KRT79: variants seen among roughly 807,000 people sequenced by gnomAD.
The protein encoded by KRT79 is keratin 79, also known as keratin, type II cytoskeletal 79.
In KRT79, 51 loss-of-function variants were observed where a neutral mutation model predicts 49.0. That is an observed-to-expected ratio of 1.04 (90% CI 0.83 to 1.31). The LOEUF is 1.31. Among genes scored for constraint, KRT79 ranks in the 40% most tolerant of loss-of-function variants. The pLI, the probability that KRT79 is intolerant of heterozygous loss-of-function variation, is 0.00. For missense variants in KRT79, 728 were observed against 688.0 expected (o/e 1.06, Z -0.65); for synonymous variants, 312 against 286.6 (o/e 1.09, Z -0.90).
chr12:52,822,241 G>A (rs761254193), intron 8 of KRT79, 104 bp downstream of exon 8: 11 of 1,348,216 alleles, frequency 8.2e-6, no homozygotes, highest in East Asian at 7.4e-5. Context: ...CCAGGGGCTC[G>A]AATGGAGGAG....
At chr12:52,824,664 C>T (rs1466170609) in intron 4 of KRT79, among the ~76,000 whole-genome samples, 2 of 152,232 alleles carry the variant, frequency 1.3e-5, no homozygotes, top group East Asian at 1.9e-4. Flanking sequence ...TGTGCTAGCA[C>T]ATTCACTAAC....
chr12:52,823,876 T>G lies in KRT79; in HGVS notation c.1146+11A>C. 3.1e-6 allele frequency: 5 copies of G among 1,611,504 alleles called. No homozygotes were observed. Among genetic ancestry groups the G allele is most frequent in the Non-Finnish European group, 4.2e-6 (5 of 1,179,278 alleles). On this transcript the variant is annotated intron_variant, in intron 6 of 8. Transcript: ENST00000330553. Reference sequence around the variant, plus strand: ...CTAGGCCAGACCCCCAAGCCCCCAGTAGAGTCCCACCTGCTTCTTGGCTGC... The same window carrying G: ...CTAGGCCAGACCCCCAAGCCCCCAGGAGAGTCCCACCTGCTTCTTGGCTGC...
chr12:52,831,459 C>A lies in KRT79; in HGVS notation c.645G>T (p.Arg215Ser). 1 of 1,614,216 alleles carries A rather than the reference C, an allele frequency of 6.2e-7. No homozygotes were observed. Among genetic ancestry groups the A allele is most frequent in the Non-Finnish European group, 8.5e-7 (1 of 1,180,034 alleles). Residue 215 changes from arginine to serine, a missense_variant, in exon 2 of 9, where the codon AGG becomes AGT. Physicochemically the swap from Arg to Ser is moderately radical, Grantham distance 110. Transcript: ENST00000330553. ...TLDRLQSERG[R>S]LDSELRNVQD... ...GCACGTTCCTGAGCTCTGAGTCCAG[C>A]CTCCCCCGCTCGCTCTGAAGTCTGT...
At position 52,823,202 on chromosome 12, in the gene KRT79, TCCGCTTCCG is replaced by T; in HGVS notation, c.1172_1180del (p.Ala391_Ala393del). 6.2e-7 allele frequency: 1 copy of T among 1,614,166 alleles called. No individual in the cohort carries two copies. Among genetic ancestry groups the T allele is most frequent in the Non-Finnish European group, 8.5e-7 (1 of 1,180,024 alleles). ...CTTGAGTGCCAGCTCCCCACGCTGCTCCGCTTCCGCAATGGCCGTCTGCAGCTGCTGACA... is the reference window on the plus strand; with the variant it reads ...CTTGAGTGCCAGCTCCCCACGCTGCTCAATGGCCGTCTGCAGCTGCTGACA... On this transcript the variant is annotated inframe_deletion, in exon 7 of 9. Coordinates refer to ENST00000330553, the MANE Select transcript of KRT79 (RefSeq NM_175834.3).
chr12:52,821,983 A>G lies in KRT79; in HGVS notation c.1497T>C (p.Gly499=). 3 of 1,613,788 alleles carry G rather than the reference A, an allele frequency of 1.9e-6. No individual in the cohort carries two copies. The highest frequency in any genetic ancestry group is 1.7e-5 in the Admixed American group (1 of 59,992). The change falls in exon 9 of 9, where the codon GGT becomes GGC. Residue 499 remains glycine (G), a synonymous_variant. Coordinates refer to ENST00000330553, the MANE Select transcript of KRT79 (RefSeq NM_175834.3). ...SLGGSGGATK[G]GFSTNVGYST... The stretch of plus-strand genomic sequence containing the variant: ...TATAGCCCACATTTGTGCTGAATCC[A>G]CCCTTGGTGGCCCCCCCACTCCCAC...
At position 52,823,097 on chromosome 12, in the gene KRT79, T is replaced by C. The variant is rs1368793168; in HGVS notation, c.1286A>G (p.Tyr429Cys). 9.3e-6 allele frequency: 15 copies of C among 1,614,130 alleles called. 1 individual carries two copies. In the South Asian group the frequency reaches 1.5e-4, roughly 17 times the overall value. Reference sequence around the variant, plus strand: ...CAGCTTGACATTCATCAGCTCCTGGTAGTCACGCAGCAGCCGTGTCAGGTC... The same window carrying C: ...CAGCTTGACATTCATCAGCTCCTGGCAGTCACGCAGCAGCCGTGTCAGGTC... ...KEDLTRLLRD[Y>C]QELMNVKLAL... is the part of the protein sequence containing the mutation. The change falls in exon 7 of 9, where the codon TAC becomes TGC. Residue 429 changes from tyrosine (Y) to cysteine (C), a missense_variant. Physicochemically the swap from Tyr to Cys is radical, Grantham distance 194. Transcript: ENST00000330553.
rs758807543 is a variant in KRT79 at position 52,833,987 on chromosome 12, T to TGCCAAA, written c.268_273dup (p.Phe90_Gly91dup). 1.2e-6 allele frequency: 2 copies of TGCCAAA among 1,612,708 alleles called. No homozygotes were observed. The highest frequency in any genetic ancestry group is 2.2e-5 in the East Asian group (1 of 44,818). ...GCCCCCTGTCCCATAAATGCCCTGCTGCCAAAGCCAAAGCCCCCCAGAGCC... is the reference window on the plus strand; with the variant it reads ...GCCCCCTGTCCCATAAATGCCCTGCTGCCAAAGCCAAAGCCAAAGCCCCCCAGAGCC... On this transcript the variant is annotated inframe_insertion, in exon 1 of 9. Transcript: ENST00000330553.
chr12:52,831,543 G>A lies in KRT79; in HGVS notation c.561C>T (p.Thr187=), dbSNP rs367691433. ...CAAAGAGGGGCTCCAGGTTGTTCCT[G>A]GTGACACCCAAGTTCTGGCCCTGCT... The part of the protein sequence containing the change: ...LQEQGQNLGV[T]RNNLEPLFEA... Residue 187 remains threonine (T), a synonymous_variant, in exon 2 of 9, where the codon ACC becomes ACT. Coordinates refer to ENST00000330553, the MANE Select transcript of KRT79 (RefSeq NM_175834.3). 2.1e-5 allele frequency: 34 copies of A among 1,614,114 alleles called. No homozygotes were observed. The highest frequency in any genetic ancestry group is 2.6e-5 in the Non-Finnish European group (31 of 1,180,056).
intron 4 of KRT79, among the ~76,000 whole-genome samples, chr12:52,827,790 A>C (rs1940197352): frequency 6.6e-6 from 1 of 152,238 alleles, no homozygotes; most frequent in Non-Finnish European, 1.5e-5. Context: ...TTTTCCATCA[A>C]GAACAAACTG....
chr12:52,822,323 G>A (rs546618956), intron 8 of KRT79, 22 bp downstream of exon 8: 1 of 1,604,632 alleles, frequency 6.2e-7, no homozygotes, highest in African/African-American at 1.3e-5. Flanking sequence ...GGTGGAGCAG[G>A]AAGTGGGGAG....
rs1316607539 is a variant in KRT79, at chr12:52,830,120, T to C, written c.760-2A>G. 6.2e-7 allele frequency: 1 copy of C among 1,614,122 alleles called. No homozygotes were observed. Among genetic ancestry groups the C allele is most frequent in the Non-Finnish European group, 8.5e-7 (1 of 1,179,980 alleles). On this transcript the variant is annotated splice_acceptor_variant, in intron 3 of 8. Transcript: ENST00000330553. LOFTEE classifies it high-confidence loss of function. ...GCCCATGTATGCTGCATCCACATCC[T>C]GGGGACGAGAGAGCAAGACAGATCC... is the stretch of plus-strand genomic sequence containing the variant.
chr12:52,823,749 G>T, intron 6 of KRT79, 138 bp downstream of exon 6: 1 of 1,015,616 alleles, frequency 9.8e-7, no homozygotes, highest in Non-Finnish European at 1.4e-6. Context: ...TTCCCCCCAT[G>T]TAAAAGGAGC....
At chr12:52,825,450 C>T (rs1015741327) in intron 4 of KRT79, among the ~76,000 whole-genome samples, 22 of 152,202 alleles carry the variant, frequency 1.4e-4, no homozygotes, top group African/African-American at 5.1e-4. Context: ...TAACTCATTA[C>T]ATGCCCTTTT....
intron 4 of KRT79, among the ~76,000 whole-genome samples, chr12:52,828,176 A>G (rs1940202370): frequency 6.6e-6 from 1 of 152,226 alleles, no homozygotes; most frequent in Non-Finnish European, 1.5e-5. Flanking sequence ...ATTTTCCTTC[A>G]TGATTATAAT....
intron 1 of KRT79, among the ~76,000 whole-genome samples, chr12:52,832,106 A>C (rs1940264674): frequency 6.6e-6 from 1 of 152,132 alleles, no homozygotes. Context: ...GTCTCCACTA[A>C]AAATCAAGAC....
Position 52,830,066 on chromosome 12 carries a change from G to A in KRT79, c.812C>T (p.Thr271Ile). The A allele has an allele frequency of 1.2e-6, 2 of 1,614,150 alleles. No homozygotes were observed. Among genetic ancestry groups the A allele is most frequent in the Non-Finnish European group, 1.7e-6 (2 of 1,180,028 alleles). ...GRMDLHGKVG[T>I]LTQEIDFLQQ... ...CAGGAAGTCAATCTCCTGGGTCAAG[G>A]TGCCCACTTTGCCATGCAGATCCAT... Residue 271 changes from threonine to isoleucine, a missense_variant, in exon 4 of 9, where the codon ACC becomes ATC. Coordinates refer to ENST00000330553, the MANE Select transcript of KRT79 (RefSeq NM_175834.3).
At chr12:52,827,487 G>T (rs1940192745) in intron 4 of KRT79, among the ~76,000 whole-genome samples, 1 of 152,174 alleles carries the variant, frequency 6.6e-6, no homozygotes, top group Non-Finnish European at 1.5e-5. Context: ...CCACAAGGAG[G>T]CCCCAGACCA....
intron 4 of KRT79, among the ~76,000 whole-genome samples, chr12:52,827,286 T>A (rs1293043832): frequency 6.6e-6 from 1 of 150,820 alleles, no homozygotes; most frequent in Admixed American, 6.6e-5. Flanking sequence ...CATCACTTGA[T>A]AACCTGGCCC....
intron 4 of KRT79, among the ~76,000 whole-genome samples, chr12:52,829,351 A>G (rs1352713479): frequency 6.6e-6 from 1 of 152,124 alleles, no homozygotes; most frequent in East Asian, 1.9e-4. Context: ...CTCCATTACA[A>G]ACCGGGCAGG....
Sources: allele counts gnomAD v4.1 joint callset (sites outside exome capture counted in the v4.1 genomes callset), GRCh38; gene constraint gnomAD v4.1.1; transcripts MANE v1.5; gene names NCBI Gene and HGNC (gene_info 2026-07-23, HGNC 2026-07-21).